The following ARHGAP10 variants were observed in gnomAD, a reference collection of about 807,000 sequenced individuals.
ARHGAP10 encodes the protein Rho GTPase activating protein 10, also known as rho GTPase-activating protein 10.
A neutral mutation model predicts 108.6 loss-of-function variants in ARHGAP10; 87 were observed. The observed-to-expected ratio is 0.80, with a 90% CI of 0.67 to 0.96. The LOEUF is 0.96. Among genes scored for constraint, ARHGAP10 ranks in the 40% least tolerant of loss-of-function variants. ARHGAP10 has a pLI of 0.00. For synonymous variants in ARHGAP10, 347 were observed against 341.1 expected, an observed-to-expected ratio of 1.02 and a Z score of -0.19; for missense variants, 939 against 954.5, an observed-to-expected ratio of 0.98 and a Z score of 0.21.
intron 8 of ARHGAP10, among the ~76,000 whole-genome samples, chr4:147,877,287 A>G (rs938075797): frequency 6.6e-6 from 1 of 151,954 alleles, no homozygotes; most frequent in African/African-American, 2.4e-5. Context: ...ACCATAGAAC[A>G]CAGTACAAAT....
At position 148,016,936 on chromosome 4, in the gene ARHGAP10, A is replaced by G. The variant is rs1181170075; in HGVS notation, c.1717-6327A>G. 2.6e-5 allele frequency among the ~76,000 whole-genome samples: 4 copies of G among 151,180 alleles called. No homozygotes were observed. The East Asian group carries it at 5.9e-4, about 22-fold the overall frequency. On this transcript the variant is annotated intron_variant, in intron 18 of 22. Transcript: ENST00000336498. Reference sequence around the variant, plus strand: ...TGCAGCAGGCAGATCACTTGAGGCCAGGAGTTTAAGACCAGCCTGGGCAAC... The same window carrying G: ...TGCAGCAGGCAGATCACTTGAGGCCGGGAGTTTAAGACCAGCCTGGGCAAC...
chr4:148,068,235 C>CGTGGCA (rs1471745493), intron 22 of ARHGAP10, among the ~76,000 whole-genome samples: 2 of 152,176 alleles, frequency 1.3e-5, no homozygotes, highest in African/African-American at 4.8e-5. Context: ...AGCGACCCCA[C>CGTGGCA]GTGGCAGCGG....
At chr4:147,939,074 A>G (rs1251909306) in intron 13 of ARHGAP10, among the ~76,000 whole-genome samples, 2 of 152,194 alleles carry the variant, frequency 1.3e-5, no homozygotes, top group Non-Finnish European at 2.9e-5. Context: ...AGATTTTCTT[A>G]CCCTTAATGC....
intron 1 of ARHGAP10, among the ~76,000 whole-genome samples, chr4:147,785,533 G>A (rs1205151672): frequency 6.6e-6 from 1 of 152,130 alleles, no homozygotes; most frequent in Non-Finnish European, 1.5e-5. Context: ...CATCCCATGG[G>A]TGTATGTATA....
chr4:148,012,130 A>T (rs1741193334), intron 18 of ARHGAP10, among the ~76,000 whole-genome samples: 1 of 152,154 alleles, frequency 6.6e-6, no homozygotes. Flanking sequence ...TATTATCCTG[A>T]CTGTTCTCTC....
chr4:148,069,758 T>G (rs1416808933), intron 22 of ARHGAP10, among the ~76,000 whole-genome samples: 1 of 152,080 alleles, frequency 6.6e-6, no homozygotes, highest in Non-Finnish European at 1.5e-5. Context: ...CAGATGCATC[T>G]AGGTAGCCAG....
chr4:147,971,422 T>A (rs1018341310), intron 18 of ARHGAP10, among the ~76,000 whole-genome samples: 22 of 152,058 alleles, frequency 1.4e-4, no homozygotes, highest in African/African-American at 5.3e-4. Flanking sequence ...TGGCAGAGAA[T>A]AAGCGCTTTG....
chr4:148,010,260 C>G (rs193300221), intron 18 of ARHGAP10, among the ~76,000 whole-genome samples: 1 of 152,118 alleles, frequency 6.6e-6, no homozygotes, highest in Non-Finnish European at 1.5e-5. Context: ...TTAGCTGGAT[C>G]AGGAGACTGA....
chr4:147,991,442 T>C (rs1740275234), intron 18 of ARHGAP10, among the ~76,000 whole-genome samples: 1 of 152,178 alleles, frequency 6.6e-6, no homozygotes, highest in Non-Finnish European at 1.5e-5. Flanking sequence ...CGGAGCTTAC[T>C]CTTCCCCAGC....
At chr4:147,912,577 A>G (rs1354500998) in intron 12 of ARHGAP10, among the ~76,000 whole-genome samples, 3 of 137,690 alleles carry the variant, frequency 2.2e-5, no homozygotes, top group African/African-American at 8.4e-5. Context: ...ATATATATAT[A>G]TATATATATA....
intron 19 of ARHGAP10, among the ~76,000 whole-genome samples, chr4:148,042,892 T>TG (rs1002329870): frequency 5.3e-5 from 8 of 152,130 alleles, no homozygotes; most frequent in African/African-American, 1.9e-4. Flanking sequence ...AAGAATATGT[T>TG]GGGGTCTTCA....
intron 1 of ARHGAP10, among the ~76,000 whole-genome samples, chr4:147,742,099 C>G (rs1026583178): frequency 6.6e-6 from 1 of 152,080 alleles, no homozygotes; most frequent in Admixed American, 6.5e-5. Context: ...TGGAAGAACT[C>G]AATTTGGCCA....
chr4:148,044,147 C>T (rs529118112), intron 19 of ARHGAP10, among the ~76,000 whole-genome samples: 97 of 152,188 alleles, frequency 6.4e-4, no homozygotes, highest in Non-Finnish European at 1.1e-3. Context: ...AGAGAACTCT[C>T]TTAATAGAAT....
At chr4:147,854,544 G>T (rs1241720378) in intron 4 of ARHGAP10, among the ~76,000 whole-genome samples, 3 of 151,990 alleles carry the variant, frequency 2.0e-5, no homozygotes, top group Non-Finnish European at 4.4e-5. Context: ...CTTGATCCTT[G>T]TTGGAACTTT....
intron 10 of ARHGAP10, among the ~76,000 whole-genome samples, chr4:147,894,319 A>G (rs970664679): frequency 2.6e-5 from 4 of 152,182 alleles, no homozygotes; most frequent in Non-Finnish European, 4.4e-5. Context: ...AGAGATGTTG[A>G]GCACTTCTTC....
chr4:147,756,078 C>T (rs1364978066), intron 1 of ARHGAP10, among the ~76,000 whole-genome samples: 2 of 149,782 alleles, frequency 1.3e-5, no homozygotes, highest in African/African-American at 2.5e-5. Context: ...TTGCCTTTTT[C>T]CTCATGGTTG....
At chr4:147,737,492 A>G (rs1016829663) in intron 1 of ARHGAP10, among the ~76,000 whole-genome samples, 1 of 152,114 alleles carries the variant, frequency 6.6e-6, no homozygotes, top group Non-Finnish European at 1.5e-5. Context: ...GTAATTGTAA[A>G]TTTTGTGATT....
rs545519836 is a variant in ARHGAP10 at position 147,789,978 on chromosome 4, T to G, written c.155-32749T>G. 1.2e-4 allele frequency among the ~76,000 whole-genome samples: 18 copies of G among 150,874 alleles called. No individual in the cohort carries two copies. The South Asian group carries it at 3.6e-3, about 30-fold the overall frequency. On this transcript the variant is annotated intron_variant, in intron 1 of 22. Transcript: ENST00000336498. The stretch of plus-strand genomic sequence containing the variant: ...TGTGTTCGTAATGAACAGAAAGGTG[T>G]GTTGGTGTGTGGATTTTTTTTTTTT...
intron 10 of ARHGAP10, among the ~76,000 whole-genome samples, chr4:147,895,156 A>G (rs1735938256): frequency 6.6e-6 from 1 of 152,004 alleles, no homozygotes; most frequent in South Asian, 2.1e-4. Flanking sequence ...CATAGAAGTC[A>G]TGGGCATTTT....
Sources: allele counts gnomAD v4.1 joint callset (sites outside exome capture counted in the v4.1 genomes callset), GRCh38; gene constraint gnomAD v4.1.1; transcripts MANE v1.5; gene names NCBI Gene and HGNC (gene_info 2026-07-23, HGNC 2026-07-21).